CCDC178: variants seen among roughly 807,000 people sequenced by gnomAD.
The protein encoded by CCDC178 is coiled-coil domain-containing protein 178.
CCDC178 carries 126 observed loss-of-function variants against 117.4 expected under a neutral mutation model. That is an observed-to-expected ratio of 1.07 (90% CI 0.93 to 1.24). The LOEUF (loss-of-function observed/expected upper bound fraction) is 1.24. CCDC178 is among the 50% of genes most tolerant of loss of function. CCDC178 has a pLI of 0.00. For missense variants in CCDC178, 1,030 were observed against 986.9 expected (o/e 1.04, Z -0.59); for synonymous variants, 283 against 313.4 (o/e 0.90, Z 1.02).
At chr18:33,161,693 C>A (rs1394548480) in intron 20 of CCDC178, among the ~76,000 whole-genome samples, 4 of 152,106 alleles carry the variant, frequency 2.6e-5, no homozygotes, top group Non-Finnish European at 4.4e-5. Flanking sequence ...TGGAGACTTA[C>A]TATAAATAAG....
In CCDC178 at chr18:33,064,768, G is replaced by A. The variant is rs148249032; in HGVS notation, c.2388+27993C>T. ...GTTGAAGAGCTATCTGTACTCCCAT[G>A]TTTATGGCAGCACTATTTACAATAG... On this transcript the variant is annotated intron_variant, in intron 21 of 22. Coordinates refer to ENST00000383096, the MANE Select transcript of CCDC178 (RefSeq NM_001105528.4). Among the ~76,000 whole-genome samples, 348 of 152,242 alleles carry A rather than the reference G, an allele frequency of 2.3e-3. 2 individuals are homozygous for A. The Middle Eastern group carries it at 0.034, about 15-fold the overall frequency.
At chr18:33,224,281 A>G (rs2059274346) in intron 17 of CCDC178, among the ~76,000 whole-genome samples, 1 of 152,102 alleles carries the variant, frequency 6.6e-6, no homozygotes. Flanking sequence ...TTTCGACTAA[A>G]TTTTTCTTTG....
chr18:32,984,999 A>G (rs1386591973), intron 21 of CCDC178, among the ~76,000 whole-genome samples: 8 of 151,938 alleles, frequency 5.3e-5, no homozygotes, highest in African/African-American at 9.7e-5. Flanking sequence ...TCCACAGTAT[A>G]TCTTTATAGT....
chr18:33,284,792 G>C (rs534718307), intron 12 of CCDC178, among the ~76,000 whole-genome samples: 1 of 152,214 alleles, frequency 6.6e-6, no homozygotes, highest in South Asian at 2.1e-4. Context: ...GGCAGATCCC[G>C]ACTGGAATAA....
At chr18:32,959,395 A>G (rs766064005) in intron 22 of CCDC178, among the ~76,000 whole-genome samples, 4 of 152,136 alleles carry the variant, frequency 2.6e-5, no homozygotes, top group Non-Finnish European at 5.9e-5. Context: ...TTTGGTGTAC[A>G]CTTTCTATGA....
intron 5 of CCDC178, among the ~76,000 whole-genome samples, chr18:33,380,688 T>C (rs891187761): frequency 6.6e-6 from 1 of 152,192 alleles, no homozygotes; most frequent in African/African-American, 2.4e-5. Flanking sequence ...CTGCATTCTC[T>C]TCCCTGGGAA....
In CCDC178 at chr18:33,323,490, C is replaced by T. The variant is rs369091401; in HGVS notation, c.1022+1G>A. The stretch of plus-strand genomic sequence containing the variant: ...AATTAGTGTTTGCGAAAAATTCTTA[C>T]TTGTAGGCCTCTATGGTTTTTTCAT... On this transcript the variant is annotated splice_donor_variant, in intron 11 of 22. Transcript: ENST00000383096. LOFTEE classifies it high-confidence loss of function. 2.7e-6 allele frequency: 4 copies of T among 1,491,442 alleles called. No individual in the cohort carries two copies. The highest frequency in any genetic ancestry group is 3.6e-6 in the Non-Finnish European group (4 of 1,122,616). 92.4% of individuals were successfully genotyped at this position (1,491,442 alleles called of 1,614,324 possible).
intron 20 of CCDC178, among the ~76,000 whole-genome samples, chr18:33,097,876 G>A (rs2057566350): frequency 6.6e-6 from 1 of 152,062 alleles, no homozygotes; most frequent in Admixed American, 6.6e-5. Context: ...TGGGCATATT[G>A]GTTATATATT....
intron 5 of CCDC178, among the ~76,000 whole-genome samples, chr18:33,373,653 G>A (rs554351770): frequency 4.6e-5 from 7 of 152,198 alleles, no homozygotes; most frequent in African/African-American, 1.7e-4. Context: ...TATAAGAATG[G>A]ATCACATTGC....
At chr18:32,961,282 T>C (rs1223989861) in intron 22 of CCDC178, among the ~76,000 whole-genome samples, 2 of 152,192 alleles carry the variant, frequency 1.3e-5, no homozygotes, top group African/African-American at 2.4e-5. Flanking sequence ...TTTTATTAGA[T>C]ACATACATAT....
chr18:33,025,983 G>A (rs1413003853), intron 21 of CCDC178, among the ~76,000 whole-genome samples: 1 of 152,010 alleles, frequency 6.6e-6, no homozygotes, highest in African/African-American at 2.4e-5. Flanking sequence ...CCTCCAACAA[G>A]TGAATGGTTA....
chr18:33,366,900 A>G (rs1040303047), intron 6 of CCDC178, among the ~76,000 whole-genome samples: 4 of 152,034 alleles, frequency 2.6e-5, no homozygotes, highest in Non-Finnish European at 5.9e-5. Flanking sequence ...ACATTTACAG[A>G]CAGAAAAATG....
chr18:33,011,386 G>A (rs1034373312), intron 21 of CCDC178, among the ~76,000 whole-genome samples: 1 of 152,076 alleles, frequency 6.6e-6, no homozygotes, highest in African/African-American at 2.4e-5. Flanking sequence ...ATTTGCATCT[G>A]AGGAAGAGAT....
chr18:33,239,135 G>C (rs187732438), intron 15 of CCDC178, among the ~76,000 whole-genome samples: 47 of 152,132 alleles, frequency 3.1e-4, no homozygotes, highest in African/African-American at 9.6e-4. Context: ...TTTCACATCT[G>C]GTGGTGAAAA....
chr18:33,440,188 T>G (rs1209669938), intron 1 of CCDC178, 107 bp from the exon 2 acceptor site: 1 of 152,052 alleles, frequency 6.6e-6, no homozygotes, highest in Admixed American at 6.6e-5. Flanking sequence ...GAAATAATTA[T>G]TTTAAAGGAA....
chr18:32,961,358 CTGA>C (rs1277527225), intron 22 of CCDC178, among the ~76,000 whole-genome samples: 2 of 151,910 alleles, frequency 1.3e-5, no homozygotes, highest in African/African-American at 4.8e-5. Context: ...CTCTCTATTC[CTGA>C]TGATATTTCT....
At chr18:33,200,806 CT>C (rs1170301965) in intron 20 of CCDC178, among the ~76,000 whole-genome samples, 1 of 152,104 alleles carries the variant, frequency 6.6e-6, no homozygotes, top group African/African-American at 2.4e-5. Flanking sequence ...TTTTAATTGG[CT>C]TGTGCCTGTT....
chr18:33,323,796 A>G (rs2062549450), intron 10 of CCDC178, among the ~76,000 whole-genome samples, 163 bp from the exon 11 acceptor site: 3 of 151,868 alleles, frequency 2.0e-5, no homozygotes, highest in African/African-American at 4.8e-5. Context: ...CCTGACAGGC[A>G]TTAATGCTGG....
At chr18:33,320,206 C>T (rs1341239953) in intron 11 of CCDC178, among the ~76,000 whole-genome samples, 1 of 152,192 alleles carries the variant, frequency 6.6e-6, no homozygotes, top group African/African-American at 2.4e-5. Context: ...CCTCTCTCAC[C>T]ACTCCTGTTC....
Sources: allele counts gnomAD v4.1 joint callset (sites outside exome capture counted in the v4.1 genomes callset), GRCh38; gene constraint gnomAD v4.1.1; transcripts MANE v1.5; gene names NCBI Gene and HGNC (gene_info 2026-07-23, HGNC 2026-07-21).